Variants in HTR2C observed in about 807,000 individuals in gnomAD.
HTR2C encodes the protein 5-hydroxytryptamine receptor 2C, also known as 5-hydroxytryptamine (serotonin) receptor 2C, G protein-coupled.
A neutral mutation model predicts 21.0 loss-of-function variants in HTR2C; 5 were observed. The ratio of observed to expected loss-of-function variants is 0.24; its 90% confidence interval spans 0.12 to 0.50. The LOEUF (loss-of-function observed/expected upper bound fraction) is 0.50, where lower values mean the gene tolerates loss of function less well. Ranked by LOEUF, HTR2C falls within the 20% of genes least tolerant of loss-of-function variation. The pLI is 0.98. For missense variants in HTR2C, 271 were observed against 371.2 expected (o/e 0.73, Z 2.22); for synonymous variants, 150 against 145.3 (o/e 1.03, Z -0.23).
At chrX:114,796,318 A>G (rs1158250981) in intron 4 of HTR2C, among the ~76,000 whole-genome samples, 1 of 111,885 alleles carries the variant, frequency 8.9e-6, no homozygotes, top group Non-Finnish European at 1.9e-5. Flanking sequence ...AATAAAAACT[A>G]AAAATAAATT....
At chrX:114,797,157 T>C (rs182874035) in intron 4 of HTR2C, among the ~76,000 whole-genome samples, 145 of 111,847 alleles carry the variant, frequency 1.3e-3, no homozygotes, top group African/African-American at 4.5e-3. Context: ...CCAAAGTTAG[T>C]TGACTTCCTT....
chrX:114,722,726 G>T (rs781849649), intron 2 of HTR2C, among the ~76,000 whole-genome samples: 39 of 106,845 alleles, frequency 3.7e-4, no homozygotes, highest in African/African-American at 1.2e-3. Flanking sequence ...TAGCATGAAG[G>T]ATTGTTGAAT....
At chrX:114,587,413 T>C (rs1556389976) in intron 1 of HTR2C, among the ~76,000 whole-genome samples, 1 of 111,627 alleles carries the variant, frequency 9.0e-6, no homozygotes, top group Non-Finnish European at 1.9e-5. Context: ...CAGCTTAGTA[T>C]TGTCTAGTGG....
intron 4 of HTR2C, among the ~76,000 whole-genome samples, chrX:114,779,769 G>A (rs1020851128): frequency 3.6e-5 from 4 of 111,983 alleles, no homozygotes; most frequent in Non-Finnish European, 3.8e-5. Context: ...CAACTTATTT[G>A]TAGGAGGATT....
At chrX:114,812,803 G>A (rs1556453183) in intron 4 of HTR2C, among the ~76,000 whole-genome samples, 1 of 111,099 alleles carries the variant, frequency 9.0e-6, no homozygotes, top group Non-Finnish European at 1.9e-5. Context: ...CAAATAACCT[G>A]GTAGTGAATT....
intron 5 of HTR2C, among the ~76,000 whole-genome samples, chrX:114,854,513 G>A (rs186295508): frequency 1.5e-4 from 17 of 109,960 alleles, no homozygotes; most frequent in African/African-American, 4.0e-4. Context: ...ACCATGACTC[G>A]GTAACGTACA....
At chrX:114,758,157 C>T (rs1265624430) in intron 4 of HTR2C, among the ~76,000 whole-genome samples, 2 of 111,615 alleles carry the variant, frequency 1.8e-5, no homozygotes, top group African/African-American at 6.5e-5. Flanking sequence ...TTATTTTGTT[C>T]ATTGGAAAAG....
chrX:114,723,969 G>T (rs1933332975), intron 2 of HTR2C, among the ~76,000 whole-genome samples: 1 of 97,798 alleles, frequency 1.0e-5, no homozygotes, highest in Non-Finnish European at 2.1e-5. Context: ...GTGTGGTGTG[G>T]TGCTGAAAAA....
intron 1 of HTR2C, among the ~76,000 whole-genome samples, chrX:114,598,061 GAAGTC>G (rs1344735633): frequency 1.1e-4 from 12 of 111,482 alleles, no homozygotes; most frequent in African/African-American, 3.3e-4. Flanking sequence ...TTAGTAGTTT[GAAGTC>G]TAGTCAGTAG....
chrX:114,600,398 C>T (rs1928036080), intron 1 of HTR2C, among the ~76,000 whole-genome samples: 1 of 111,814 alleles, frequency 8.9e-6, no homozygotes, highest in African/African-American at 3.2e-5. Flanking sequence ...GAAGACAAGT[C>T]AGGAGACATC....
chrX:114,776,911 T>C (rs1434974364), intron 4 of HTR2C: 2 of 144,958 alleles, frequency 1.4e-5, no homozygotes, highest in Non-Finnish European at 2.6e-5. Context: ...TAGCAAATAC[T>C]ATGGAACAAA....
At chrX:114,749,413 C>T (rs1158718246) in intron 4 of HTR2C, among the ~76,000 whole-genome samples, 1 of 96,314 alleles carries the variant, frequency 1.0e-5, no homozygotes, top group Non-Finnish European at 2.0e-5. Flanking sequence ...GAGGTCACAC[C>T]ACTGCACTCC....
At chrX:114,810,450 T>A (rs1029938743) in intron 4 of HTR2C, among the ~76,000 whole-genome samples, 28 of 109,277 alleles carry the variant, frequency 2.6e-4, no homozygotes, top group African/African-American at 9.0e-4. Context: ...TTCTGACCAC[T>A]GGGATGGACA....
chrX:114,758,945 C>T (rs868947327), intron 4 of HTR2C, among the ~76,000 whole-genome samples: 1 of 111,534 alleles, frequency 9.0e-6, no homozygotes, highest in African/African-American at 3.3e-5. Context: ...ATTAAAGAAC[C>T]CAGATTACAA....
At chrX:114,751,502 A>G (rs2069760216) in intron 4 of HTR2C, among the ~76,000 whole-genome samples, 2 of 111,787 alleles carry the variant, frequency 1.8e-5, no homozygotes, top group Admixed American at 1.9e-4. Context: ...GGACATGTAA[A>G]CTTGATTAGA....
At chrX:114,587,884 A>G (rs1301935628) in intron 1 of HTR2C, among the ~76,000 whole-genome samples, 1 of 112,659 alleles carries the variant, frequency 8.9e-6, no homozygotes, top group African/African-American at 3.2e-5. Context: ...TTGGCAAGTC[A>G]TTAGCAGATT....
Position 114,674,653 on chromosome X carries a change from T to C in HTR2C, c.-79-52205T>C, listed in dbSNP as rs1367934116. On this transcript the variant is annotated intron_variant, in intron 2 of 5. Coordinates refer to ENST00000276198, the MANE Select transcript of HTR2C (RefSeq NM_000868.4). ...GCATAGCATGATGAGATACTTTATA[T>C]TGCATAGTGTCTTAAAAAATTATAA... Among the ~76,000 whole-genome samples, 3 of 111,866 alleles carry C rather than the reference T, an allele frequency of 2.7e-5. No homozygotes were observed. In the Admixed American group the frequency reaches 2.9e-4, roughly 11 times the overall value.
chrX:114,835,525 G>C (rs1486826377), intron 4 of HTR2C, among the ~76,000 whole-genome samples: 5 of 109,885 alleles, frequency 4.6e-5, no homozygotes, highest in Non-Finnish European at 7.6e-5. Flanking sequence ...GCATTCTTCA[G>C]GTAGTTCTCG....
At chrX:114,828,806 G>A (rs782245556) in intron 4 of HTR2C, among the ~76,000 whole-genome samples, 24 of 111,584 alleles carry the variant, frequency 2.2e-4, no homozygotes, top group Middle Eastern at 4.6e-3. Context: ...TGAATATTTC[G>A]TATAAATAAA....
Sources: allele counts gnomAD v4.1 joint callset (sites outside exome capture counted in the v4.1 genomes callset), GRCh38; gene constraint gnomAD v4.1.1; transcripts MANE v1.5; gene names NCBI Gene and HGNC (gene_info 2026-07-23, HGNC 2026-07-21).